Variants in TYW1B observed in about 807,000 individuals in gnomAD.
The protein encoded by TYW1B is S-adenosyl-L-methionine-dependent tRNA 4-demethylwyosine synthase TYW1B.
TYW1B carries 73 observed loss-of-function variants against 86.9 expected under a neutral mutation model. That is an observed-to-expected ratio of 0.84 (90% CI 0.70 to 1.02). The LOEUF is 1.02. Among genes scored for constraint, TYW1B ranks in the 50% least tolerant of loss-of-function variants. The pLI is 0.00. For synonymous variants in TYW1B, 248 were observed against 292.8 expected (o/e 0.85, Z 1.56); for missense variants, 637 against 827.4 (o/e 0.77, Z 2.82).
intron 6 of TYW1B, among the ~76,000 whole-genome samples, chr7:72,794,962 C>T (rs1204547850): frequency 7.2e-5 from 11 of 151,862 alleles, no homozygotes; most frequent in East Asian, 1.9e-4. Flanking sequence ...GGATTACAGG[C>T]GCCATCACAC....
At chr7:72,633,663 G>A (rs558723202) in intron 11 of TYW1B, among the ~76,000 whole-genome samples, 11 of 152,084 alleles carry the variant, frequency 7.2e-5, no homozygotes, top group African/African-American at 2.7e-4. Flanking sequence ...TTACGTCAGT[G>A]GAATCATACA....
chr7:72,623,027 T>C (rs1156970660), intron 12 of TYW1B, among the ~76,000 whole-genome samples: 1 of 152,174 alleles, frequency 6.6e-6, no homozygotes, highest in Non-Finnish European at 1.5e-5. Context: ...ACAGGGTAGA[T>C]AGAAAAAGGA....
chr7:72,738,781 T>A (rs35093713), intron 8 of TYW1B, among the ~76,000 whole-genome samples: 4 of 152,110 alleles, frequency 2.6e-5, no homozygotes, highest in African/African-American at 9.7e-5. Context: ...AGGAAATACA[T>A]GTAAAAGAAT....
At chr7:72,789,291 G>A (rs1341858526) in intron 6 of TYW1B, among the ~76,000 whole-genome samples, 10 of 151,912 alleles carry the variant, frequency 6.6e-5, no homozygotes, top group East Asian at 1.9e-4. Context: ...GTGCCACCAC[G>A]CCAGGCTAAT....
intron 12 of TYW1B, among the ~76,000 whole-genome samples, chr7:72,619,573 G>A (rs1425431391): frequency 3.3e-5 from 5 of 150,978 alleles, no homozygotes; most frequent in Non-Finnish European, 7.4e-5. Context: ...CCCGGGAAGC[G>A]GAGCTTGCAG....
At chr7:72,692,946 G>A (rs1314127874) in intron 11 of TYW1B, among the ~76,000 whole-genome samples, 3 of 152,080 alleles carry the variant, frequency 2.0e-5, no homozygotes, top group African/African-American at 7.2e-5. Flanking sequence ...GACAGTGATG[G>A]GTTAGGAATG....
chr7:72,714,018 A>T (rs543261830), intron 9 of TYW1B, among the ~76,000 whole-genome samples: 93 of 150,038 alleles, frequency 6.2e-4, no homozygotes, highest in Admixed American at 1.9e-3. Context: ...ACATCAATAC[A>T]AGCAGGCAAA....
chr7:72,670,821 C>A (rs193050954), intron 11 of TYW1B, among the ~76,000 whole-genome samples: 5 of 152,198 alleles, frequency 3.3e-5, no homozygotes, highest in Non-Finnish European at 5.9e-5. Flanking sequence ...ACAACATATT[C>A]AAGTTGAGCC....
intron 7 of TYW1B, among the ~76,000 whole-genome samples, chr7:72,760,217 G>C (rs1178476484): frequency 6.6e-6 from 1 of 152,176 alleles, no homozygotes; most frequent in Non-Finnish European, 1.5e-5. Flanking sequence ...TTATGTAAAT[G>C]TTGAAAATTT....
intron 11 of TYW1B, among the ~76,000 whole-genome samples, chr7:72,637,223 G>A (rs1554440888): frequency 6.6e-6 from 1 of 151,916 alleles, no homozygotes; most frequent in African/African-American, 2.4e-5. Context: ...CCTGATGACT[G>A]GTATCATCAA....
At chr7:72,806,040 G>A (rs999615435) in intron 5 of TYW1B, among the ~76,000 whole-genome samples, 1 of 152,084 alleles carries the variant, frequency 6.6e-6, no homozygotes, top group Admixed American at 6.6e-5. Context: ...ATGACTTGCA[G>A]CCTTCAGTTT....
At chr7:72,782,138 A>T (rs1788059937) in intron 6 of TYW1B, among the ~76,000 whole-genome samples, 1 of 151,960 alleles carries the variant, frequency 6.6e-6, no homozygotes, top group African/African-American at 2.4e-5. Context: ...AATTTTTTTT[A>T]ATTAGCCAGG....
chr7:72,674,684 C>A (rs1252560943), intron 11 of TYW1B, among the ~76,000 whole-genome samples: 1 of 151,726 alleles, frequency 6.6e-6, no homozygotes, highest in Non-Finnish European at 1.5e-5. Context: ...TTTTACCCCA[C>A]GGAATTGTTT....
intron 10 of TYW1B, among the ~76,000 whole-genome samples, chr7:72,712,736 T>G (rs1384757553): frequency 6.6e-6 from 1 of 152,192 alleles, no homozygotes; most frequent in East Asian, 1.9e-4. Flanking sequence ...TGCTGCTTCT[T>G]GTCTCCCCAA....
chr7:72,689,315 T>C (rs1481292523), intron 11 of TYW1B, among the ~76,000 whole-genome samples: 1 of 152,214 alleles, frequency 6.6e-6, no homozygotes, highest in Non-Finnish European at 1.5e-5. Flanking sequence ...CATGCCATGA[T>C]TTAATGTATC....
chr7:72,632,412 C>CATATATATATATAATATATATATACAT (rs1224127244), intron 11 of TYW1B, among the ~76,000 whole-genome samples: 1 of 80,756 alleles, frequency 1.2e-5, no homozygotes, highest in African/African-American at 6.8e-5. Flanking sequence ...TATATATATA[C>CATATATATATATAATATATATATACAT]ATATATATAT....
chr7:72,623,198 CGT>C (rs1563034395), intron 12 of TYW1B, among the ~76,000 whole-genome samples: 1 of 152,158 alleles, frequency 6.6e-6, no homozygotes, highest in African/African-American at 2.4e-5. Flanking sequence ...CATACACATA[CGT>C]GTGTGTTTCC....
chr7:72,805,369 T>C (rs1788475805), intron 5 of TYW1B, among the ~76,000 whole-genome samples: 1 of 149,626 alleles, frequency 6.7e-6, no homozygotes. Flanking sequence ...TCCCAGCATT[T>C]TGGGAGGCCG....
At chr7:72,698,377 GCT>G (rs2129570357) in intron 10 of TYW1B, among the ~76,000 whole-genome samples, 1 of 152,316 alleles carries the variant, frequency 6.6e-6, no homozygotes, top group African/African-American at 2.4e-5. Flanking sequence ...GGGCACAGTG[GCT>G]CATGCCTGTA....
Sources: gnomAD v4.1 joint callset for allele counts (sites outside exome capture counted in the v4.1 genomes callset) on GRCh38, gnomAD v4.1.1 for gene constraint, MANE v1.5 for transcripts, NCBI Gene and HGNC (gene_info 2026-07-23, HGNC 2026-07-21) for gene names.